MSN: variants seen among roughly 807,000 people sequenced by gnomAD.
The protein encoded by MSN is moesin, also known as epididymis luminal protein 70.
A neutral mutation model predicts 48.0 loss-of-function variants in MSN; 2 were observed. The observed-to-expected ratio is 0.04, with a 90% confidence interval of 0.02 to 0.13. The LOEUF (loss-of-function observed/expected upper bound fraction) is 0.13. MSN is among the 10% of genes least tolerant of loss of function. The pLI is 1.00. For missense variants in MSN, 267 were observed against 470.1 expected (o/e 0.57, Z 3.99); for synonymous variants, 146 against 166.9 (o/e 0.87, Z 0.97).
At chrX:65,617,955 T>C (rs2070392298) in intron 1 of MSN, among the ~76,000 whole-genome samples, 1 of 108,829 alleles carries the variant, frequency 9.2e-6, no homozygotes, top group Non-Finnish European at 1.9e-5. Flanking sequence ...TGCCTTCATT[T>C]CGTTATGTAC....
chrX:65,740,191 T>G lies in MSN; in HGVS notation c.*298T>G, dbSNP rs751349326. The stretch of plus-strand genomic sequence containing the variant: ...CCTAGAGGTACTTTCCACTTGATTT[T>G]GCAAATGCCCTTACACTTACTGTTG... On this transcript the variant is annotated 3_prime_UTR_variant, in exon 13 of 13. Transcript: ENST00000360270. 5 of 266,825 alleles carry G rather than the reference T, an allele frequency of 1.9e-5. No homozygotes were observed. The highest frequency in any genetic ancestry group is 1.0e-3 in the Middle Eastern group (1 of 956). 22.0% of individuals were successfully genotyped at this position (266,825 alleles called of 1,213,427 possible).
chrX:65,620,577 T>A (rs2070431544), intron 1 of MSN, among the ~76,000 whole-genome samples: 1 of 112,929 alleles, frequency 8.9e-6, no homozygotes, highest in Non-Finnish European at 1.9e-5. Flanking sequence ...TCGCGCACGG[T>A]GCGCACACCC....
chrX:65,641,593 TATATA>T (rs2070653517), intron 1 of MSN, among the ~76,000 whole-genome samples: 1 of 71,896 alleles, frequency 1.4e-5, no homozygotes, highest in Non-Finnish European at 2.6e-5. Context: ...TATATATATA[TATATA>T]TATTTTAGCA....
At chrX:65,637,715 C>T (rs776034560) in intron 1 of MSN, among the ~76,000 whole-genome samples, 11 of 109,855 alleles carry the variant, frequency 1.0e-4, no homozygotes, top group South Asian at 4.0e-4. Flanking sequence ...TTAATAGAGG[C>T]GGGGTCTCAC....
At chrX:65,669,060 C>A (rs1252442347) in intron 1 of MSN, among the ~76,000 whole-genome samples, 1 of 111,775 alleles carries the variant, frequency 8.9e-6, no homozygotes, top group Non-Finnish European at 1.9e-5. Context: ...GCCTCACTGC[C>A]AAGTCGTTCT....
chrX:65,609,797 C>G (rs1216491291), intron 1 of MSN, among the ~76,000 whole-genome samples: 1 of 110,780 alleles, frequency 9.0e-6, no homozygotes, highest in Non-Finnish European at 1.9e-5. Context: ...GCAGGAGAAT[C>G]ACTCGAACCC....
intron 1 of MSN, among the ~76,000 whole-genome samples, chrX:65,652,514 T>A (rs185216428): frequency 9.0e-6 from 1 of 111,689 alleles, no homozygotes; most frequent in East Asian, 2.8e-4. Flanking sequence ...GGGTCTCAGA[T>A]CTGGCCCTGA....
chrX:65,597,096 C>T (rs1412960767), intron 1 of MSN, among the ~76,000 whole-genome samples: 1 of 111,688 alleles, frequency 9.0e-6, no homozygotes, highest in Non-Finnish European at 1.9e-5. Flanking sequence ...GTTCCCCAGG[C>T]TACAGTGCAG....
At position 65,738,515 on chromosome X, in the gene MSN, T is replaced by A; in HGVS notation, c.1252-10T>A. The A allele has an allele frequency of 8.3e-7, 1 of 1,199,476 alleles. No homozygotes were observed. Among genetic ancestry groups the A allele is most frequent in the Non-Finnish European group, 1.1e-6 (1 of 888,780 alleles). On this transcript the variant is annotated splice_polypyrimidine_tract_variant and intron_variant, in intron 10 of 12. Transcript: ENST00000360270. The stretch of plus-strand genomic sequence containing the variant: ...GGCCCAGCTCTCACAGGCTTCCAAT[T>A]TATCCGTAGGCCTTGGAAATGGCAG...
intron 1 of MSN, among the ~76,000 whole-genome samples, chrX:65,683,383 T>TGCCGCCGCCGCCGCCGCCGCC (rs199588485): frequency 2.1e-5 from 2 of 93,857 alleles, no homozygotes; most frequent in African/African-American, 1.1e-4. Context: ...TTGCTACTGT[T>TGCCGCCGCCGCCGCCGCCGCC]GCCGCCGCCG....
chrX:65,735,697 C>T (rs1460439305), intron 8 of MSN, among the ~76,000 whole-genome samples: 1 of 112,410 alleles, frequency 8.9e-6, no homozygotes. Flanking sequence ...ATACATAACT[C>T]AAGGTACAAA....
At chrX:65,631,833 G>T (rs1439939199) in intron 1 of MSN, among the ~76,000 whole-genome samples, 1 of 111,065 alleles carries the variant, frequency 9.0e-6, no homozygotes, top group African/African-American at 3.3e-5. Context: ...TACTACACCT[G>T]GCTGATTTTT....
intron 1 of MSN, among the ~76,000 whole-genome samples, chrX:65,647,334 C>A (rs1482305547): frequency 1.3e-4 from 14 of 109,288 alleles, no homozygotes; most frequent in Non-Finnish European, 2.5e-4. Context: ...GCCTCAGCCT[C>A]CCAAGCAGCT....
intron 7 of MSN, 108 bp downstream of exon 7, chrX:65,733,388 G>A (rs920948770): frequency 4.1e-5 from 25 of 604,151 alleles, no homozygotes; most frequent in Non-Finnish European, 6.2e-5. Context: ...TTGTGTGTAC[G>A]TGTGTGCGCG....
chrX:65,638,703 C>A (rs191342856), intron 1 of MSN, among the ~76,000 whole-genome samples: 174 of 112,183 alleles, frequency 1.6e-3, no homozygotes, highest in African/African-American at 5.6e-3. Flanking sequence ...TAGAAGTGTG[C>A]GCCCATGCTG....
At chrX:65,707,540 TCTGGGGA>T (rs1386851969) in intron 1 of MSN, among the ~76,000 whole-genome samples, 1 of 112,232 alleles carries the variant, frequency 8.9e-6, no homozygotes, top group African/African-American at 3.2e-5. Context: ...ACAGTTCTCT[TCTGGGGA>T]CTACATCTTG....
chrX:65,705,420 G>A (rs973992977), intron 1 of MSN, among the ~76,000 whole-genome samples: 8 of 111,431 alleles, frequency 7.2e-5, no homozygotes, highest in African/African-American at 2.3e-4. Context: ...ATTTGCCCTG[G>A]GGGTATGGTT....
At chrX:65,644,795 C>A (rs951238587) in intron 1 of MSN, among the ~76,000 whole-genome samples, 1 of 111,703 alleles carries the variant, frequency 9.0e-6, no homozygotes, top group African/African-American at 3.3e-5. Context: ...GCTTTTCAGT[C>A]CAATCCAGGG....
At chrX:65,624,861 A>T (rs1602730751) in intron 1 of MSN, 1 of 110,758 alleles carries the variant, frequency 9.0e-6, no homozygotes, top group African/African-American at 3.3e-5. Context: ...AAAGAAAAAA[A>T]GAAGGAAGGA....
Sources: allele counts gnomAD v4.1 joint callset (sites outside exome capture counted in the v4.1 genomes callset), GRCh38; gene constraint gnomAD v4.1.1; transcripts MANE v1.5; gene names NCBI Gene and HGNC (gene_info 2026-07-23, HGNC 2026-07-21).